The following KCNH7 variants were observed in gnomAD, a reference collection of about 807,000 sequenced individuals.
The protein encoded by KCNH7 is potassium voltage-gated channel subfamily H member 7.
Under a neutral mutation model 120.8 loss-of-function variants are expected in KCNH7, and 49 were observed. That is an observed-to-expected ratio of 0.41 (90% CI 0.32 to 0.51). KCNH7 has a LOEUF of 0.51. KCNH7 is among the 20% of genes least tolerant of loss of function. The probability of loss-of-function intolerance (pLI) is 0.38; values close to 1 mark genes in which losing one functional copy is unlikely to be tolerated. For missense variants in KCNH7, 1,097 were observed against 1,446.6 expected, an observed-to-expected ratio of 0.76 and a Z score of 3.92; for synonymous variants, 547 against 516.1, an observed-to-expected ratio of 1.06 and a Z score of -0.81.
chr2:162,672,685 G>A (rs1028604952), intron 2 of KCNH7, among the ~76,000 whole-genome samples: 1 of 151,866 alleles, frequency 6.6e-6, no homozygotes, highest in African/African-American at 2.4e-5. Flanking sequence ...GCTGAGCATT[G>A]TTCTAAGTTT....
intron 2 of KCNH7, among the ~76,000 whole-genome samples, chr2:162,704,194 C>T (rs1318224936): frequency 6.6e-6 from 1 of 152,018 alleles, no homozygotes; most frequent in Admixed American, 6.6e-5. Flanking sequence ...TTATATTTGA[C>T]CTTGAGTAAA....
chr2:162,731,141 GA>G (rs141145485), intron 2 of KCNH7, among the ~76,000 whole-genome samples: 5,671 of 151,040 alleles, frequency 0.038, 343 homozygotes, highest in African/African-American at 0.13. Flanking sequence ...AAGTAACATG[GA>G]AAAAATAAAG....
chr2:162,705,575 T>A (rs2105349670), intron 2 of KCNH7, among the ~76,000 whole-genome samples: 1 of 152,296 alleles, frequency 6.6e-6, no homozygotes, highest in Non-Finnish European at 1.5e-5. Flanking sequence ...CATTACAGTA[T>A]AAATTATGCA....
Position 162,613,842 on chromosome 2 carries a change from T to C in KCNH7, c.308-76762A>G, listed in dbSNP as rs1270500327. Among the ~76,000 whole-genome samples the C allele has an allele frequency of 2.0e-5, 3 of 151,906 alleles. No homozygotes were observed. In the East Asian group the frequency reaches 5.8e-4, roughly 29 times the overall value. On this transcript the variant is annotated intron_variant, in intron 2 of 15. Transcript: ENST00000332142. ...GGGAAAGGGTAATCGTAGACAAATATGCATGCTACATTTTTGAAGGGTTAT... is the reference window on the plus strand; with the variant it reads ...GGGAAAGGGTAATCGTAGACAAATACGCATGCTACATTTTTGAAGGGTTAT...
At chr2:162,727,912 T>G (rs1225554405) in intron 2 of KCNH7, among the ~76,000 whole-genome samples, 1 of 152,172 alleles carries the variant, frequency 6.6e-6, no homozygotes, top group Non-Finnish European at 1.5e-5. Flanking sequence ...AAGGATTTTT[T>G]TAGGATAAGT....
chr2:162,410,859 CA>C (rs372644916), intron 9 of KCNH7, among the ~76,000 whole-genome samples: 41 of 152,152 alleles, frequency 2.7e-4, no homozygotes, highest in African/African-American at 9.9e-4. Context: ...TGTTTATCAT[CA>C]ATAATTATCA....
intron 2 of KCNH7, among the ~76,000 whole-genome samples, chr2:162,549,468 C>G (rs1692594466): frequency 6.6e-6 from 1 of 152,166 alleles, no homozygotes; most frequent in Non-Finnish European, 1.5e-5. Flanking sequence ...CTTAGGTAAG[C>G]TAAGTCCACT....
intron 7 of KCNH7, among the ~76,000 whole-genome samples, chr2:162,440,559 T>A (rs992453664): frequency 6.6e-6 from 1 of 152,082 alleles, no homozygotes; most frequent in Non-Finnish European, 1.5e-5. Flanking sequence ...ATCATTGCAA[T>A]ATTTCTAAGG....
chr2:162,672,620 G>A (rs1325378487), intron 2 of KCNH7, among the ~76,000 whole-genome samples: 1 of 151,848 alleles, frequency 6.6e-6, no homozygotes, highest in Non-Finnish European at 1.5e-5. Context: ...GAAATGAAGA[G>A]CAGAAAAAAT....
chr2:162,565,317 GA>G (rs1023905748), intron 2 of KCNH7, among the ~76,000 whole-genome samples: 2 of 151,236 alleles, frequency 1.3e-5, no homozygotes, highest in Non-Finnish European at 3.0e-5. Flanking sequence ...TTTGCTTGAG[GA>G]AAAAAAACGT....
intron 2 of KCNH7, among the ~76,000 whole-genome samples, chr2:162,790,072 A>G (rs111897974): frequency 0.012 from 1,765 of 151,966 alleles, 37 homozygotes; most frequent in African/African-American, 0.04. Flanking sequence ...AAGAAGATAA[A>G]CAACATTGAC....
chr2:162,428,747 CTA>C (rs1428565226), intron 8 of KCNH7, among the ~76,000 whole-genome samples: 1 of 151,738 alleles, frequency 6.6e-6, no homozygotes, highest in Non-Finnish European at 1.5e-5. Context: ...TTTAGGATTG[CTA>C]TATTTGTCTA....
At chr2:162,487,156 G>GTAA (rs1690125204) in intron 6 of KCNH7, among the ~76,000 whole-genome samples, 3 of 151,990 alleles carry the variant, frequency 2.0e-5, no homozygotes, top group Non-Finnish European at 4.4e-5. Context: ...GTGTTAATAC[G>GTAA]AATTCATATG....
intron 2 of KCNH7, among the ~76,000 whole-genome samples, chr2:162,690,070 T>C (rs756603981): frequency 2.0e-4 from 31 of 152,174 alleles, no homozygotes; most frequent in Non-Finnish European, 4.1e-4. Flanking sequence ...TGAGATCATG[T>C]TCTTTGCAGG....
intron 2 of KCNH7, among the ~76,000 whole-genome samples, chr2:162,619,206 C>A (rs1683252050): frequency 6.6e-6 from 1 of 152,022 alleles, no homozygotes; most frequent in South Asian, 2.1e-4. Context: ...AAGTAACACA[C>A]CTTAAGAAAT....
chr2:162,656,623 G>A (rs1304415528), intron 2 of KCNH7, among the ~76,000 whole-genome samples: 2 of 152,102 alleles, frequency 1.3e-5, no homozygotes, highest in African/African-American at 4.8e-5. Flanking sequence ...TGCACCCAGG[G>A]TATGTTATTA....
At chr2:162,775,745 A>C (rs1683211312) in intron 2 of KCNH7, among the ~76,000 whole-genome samples, 1 of 152,174 alleles carries the variant, frequency 6.6e-6, no homozygotes, top group South Asian at 2.1e-4. Flanking sequence ...GTTTTTAATA[A>C]TAACTACTAC....
intron 2 of KCNH7, among the ~76,000 whole-genome samples, chr2:162,620,160 AT>A (rs1279067047): frequency 4.0e-5 from 6 of 149,816 alleles, no homozygotes; most frequent in African/African-American, 1.5e-4. Flanking sequence ...AGATATATAT[AT>A]AGAGAGAGAG....
chr2:162,479,612 C>T (rs1402023440), intron 6 of KCNH7, among the ~76,000 whole-genome samples: 1 of 151,680 alleles, frequency 6.6e-6, no homozygotes, highest in Non-Finnish European at 1.5e-5. Flanking sequence ...AATGATGTCT[C>T]CTAAGATAGA....
Sources: gnomAD v4.1 joint callset for allele counts (sites outside exome capture counted in the v4.1 genomes callset) on GRCh38, gnomAD v4.1.1 for gene constraint, MANE v1.5 for transcripts, NCBI Gene and HGNC (gene_info 2026-07-23, HGNC 2026-07-21) for gene names.